The following KCNH8 variants were observed in gnomAD, a reference collection of about 807,000 sequenced individuals.
KCNH8 encodes voltage-gated delayed rectifier potassium channel KCNH8.
KCNH8 carries 70 observed loss-of-function variants against 103.6 expected under a neutral mutation model. That is an observed-to-expected ratio of 0.68 (90% CI 0.56 to 0.82). The LOEUF (loss-of-function observed/expected upper bound fraction) is 0.82, where lower values mean the gene tolerates loss of function less well. Among genes scored for constraint, KCNH8 ranks in the 40% least tolerant of loss-of-function variants. The pLI is 0.00. For synonymous variants in KCNH8, 498 were observed against 489.4 expected, an observed-to-expected ratio of 1.02 and a Z score of -0.23; for missense variants, 1,217 against 1,329.9, an observed-to-expected ratio of 0.92 and a Z score of 1.32.
At chr3:19,336,790 C>T (rs1421215005) in intron 3 of KCNH8, among the ~76,000 whole-genome samples, 1 of 151,716 alleles carries the variant, frequency 6.6e-6, no homozygotes, top group East Asian at 1.9e-4. Context: ...GAAGTTTCTG[C>T]ATTGATATTT....
Position 19,226,153 on chromosome 3 carries a change from A to G in KCNH8, c.77-27501A>G, listed in dbSNP as rs11918303. 7.7e-3 allele frequency among the ~76,000 whole-genome samples: 1,172 copies of G among 152,334 alleles called. 15 individuals carry two copies. Among genetic ancestry groups the G allele is most frequent in the African/African-American group, 0.026 (1,079 of 41,570 alleles). On this transcript the variant is annotated intron_variant, in intron 1 of 15. Transcript: ENST00000328405. ...TAATTTGAAAAATATTAAGGCCTTT[A>G]TATTGAGAATACAAATTTTGTTGAG...
At chr3:19,199,476 G>T (rs2063634769) in intron 1 of KCNH8, among the ~76,000 whole-genome samples, 1 of 151,638 alleles carries the variant, frequency 6.6e-6, no homozygotes, top group Admixed American at 6.6e-5. Flanking sequence ...GACAAAAACT[G>T]CTGGACAAAA....
intron 7 of KCNH8, among the ~76,000 whole-genome samples, chr3:19,417,220 A>ATGTG (rs113532154): frequency 6.7e-6 from 1 of 149,002 alleles, no homozygotes; most frequent in African/African-American, 2.5e-5. Context: ...ATATATGTAT[A>ATGTG]TGTGTGTGTA....
rs572025808 is a variant in KCNH8 at position 19,317,686 on chromosome 3, A to T, written c.443-24901A>T. Among the ~76,000 whole-genome samples, 3 of 152,126 alleles carry T rather than the reference A, an allele frequency of 2.0e-5. No homozygotes were observed. The South Asian group carries it at 6.2e-4, about 31-fold the overall frequency. ...AATAAATGACATATGCAAATCAATAAATATGATTCATCACATAAACAGAAC... is the reference window on the plus strand; with the variant it reads ...AATAAATGACATATGCAAATCAATATATATGATTCATCACATAAACAGAAC... On this transcript the variant is annotated intron_variant, in intron 3 of 15. Coordinates refer to ENST00000328405, the MANE Select transcript of KCNH8 (RefSeq NM_144633.3).
At chr3:19,303,149 G>A (rs2065085491) in intron 3 of KCNH8, among the ~76,000 whole-genome samples, 1 of 152,114 alleles carries the variant, frequency 6.6e-6, no homozygotes, top group South Asian at 2.1e-4. Flanking sequence ...CAGAAAGCTT[G>A]AATGATGAAT....
At chr3:19,512,408 A>C (rs2068798386) in intron 12 of KCNH8, among the ~76,000 whole-genome samples, 1 of 152,190 alleles carries the variant, frequency 6.6e-6, no homozygotes, top group Non-Finnish European at 1.5e-5. Flanking sequence ...AGTGACTGGA[A>C]AGAACAAGGA....
chr3:19,225,126 T>A (rs1302805875), intron 1 of KCNH8, among the ~76,000 whole-genome samples: 6 of 152,030 alleles, frequency 3.9e-5, no homozygotes, highest in Non-Finnish European at 8.8e-5. Context: ...CCTGAGGGAT[T>A]TAGACTTTAC....
chr3:19,403,802 C>G (rs1411911184), intron 7 of KCNH8, among the ~76,000 whole-genome samples: 1 of 151,776 alleles, frequency 6.6e-6, no homozygotes, highest in African/African-American at 2.4e-5. Flanking sequence ...TACTTTGTGA[C>G]TGAGGTTAAT....
intron 7 of KCNH8, among the ~76,000 whole-genome samples, chr3:19,437,589 A>G (rs895164838): frequency 6.6e-6 from 1 of 152,170 alleles, no homozygotes; most frequent in Non-Finnish European, 1.5e-5. Flanking sequence ...TGGGACTGCA[A>G]AGAAGGCTTC....
rs368659947 is a variant in KCNH8 at position 19,533,870 on chromosome 3, C to T, written c.3095C>T (p.Ser1032Phe). The T allele has an allele frequency of 6.2e-7, 1 of 1,614,066 alleles. No homozygotes were observed. The highest frequency in any genetic ancestry group is 1.7e-5 in the Admixed American group (1 of 60,010). The change falls in exon 16 of 16, where the codon TCT becomes TTT. Residue 1032 changes from serine (S) to phenylalanine (F), a missense_variant. By Grantham distance (155) the Ser-to-Phe change is radical. Transcript: ENST00000328405. ...CAGTCCATTTCAGCAACTCTCTCAT[C>T]TTCTGTCTGCTCCTCTTCGGAAACA... ...PLQSISATLS[S>F]SVCSSSETSL... is the part of the protein sequence containing the mutation.
Position 19,395,314 on chromosome 3 carries a change from A to G in KCNH8, c.1177+3A>G. 6.2e-7 allele frequency: 1 copy of G among 1,601,058 alleles called. No individual in the cohort carries two copies. Reference sequence around the variant, plus strand: ...CAGCCTTCTGAAGTGGGAAGTTGGTAAGGGCTTACATTTGTCACATTTTCC... The same window carrying G: ...CAGCCTTCTGAAGTGGGAAGTTGGTGAGGGCTTACATTTGTCACATTTTCC... On this transcript the variant is annotated splice_donor_region_variant and intron_variant, in intron 7 of 15. Transcript: ENST00000328405.
intron 1 of KCNH8, among the ~76,000 whole-genome samples, chr3:19,226,855 G>T (rs935336717): frequency 6.6e-6 from 1 of 151,972 alleles, no homozygotes; most frequent in African/African-American, 2.4e-5. Context: ...TCAATAACAG[G>T]AAAAAACACC....
intron 11 of KCNH8, among the ~76,000 whole-genome samples, chr3:19,505,242 G>A (rs1386490035): frequency 6.6e-6 from 1 of 151,782 alleles, no homozygotes; most frequent in Non-Finnish European, 1.5e-5. Context: ...CTTATAAGTG[G>A]GAACTAAATG....
chr3:19,408,386 A>G (rs1575029511), intron 7 of KCNH8, among the ~76,000 whole-genome samples: 4 of 152,124 alleles, frequency 2.6e-5, no homozygotes, highest in Admixed American at 2.0e-4. Context: ...GAACATAATT[A>G]TAAGAATTAG....
chr3:19,199,400 CA>C (rs1440934883), intron 1 of KCNH8, among the ~76,000 whole-genome samples: 3 of 151,784 alleles, frequency 2.0e-5, no homozygotes, highest in Non-Finnish European at 4.4e-5. Flanking sequence ...AATCATGTAA[CA>C]AAAGAACACT....
At chr3:19,364,778 AG>A (rs2065990291) in intron 5 of KCNH8, among the ~76,000 whole-genome samples, 1 of 152,150 alleles carries the variant, frequency 6.6e-6, no homozygotes, top group Admixed American at 6.6e-5. Flanking sequence ...TACCTACTTA[AG>A]CACTTAAGCA....
At chr3:19,334,231 C>T (rs2065551076) in intron 3 of KCNH8, among the ~76,000 whole-genome samples, 1 of 152,190 alleles carries the variant, frequency 6.6e-6, no homozygotes, top group African/African-American at 2.4e-5. Flanking sequence ...GACAGGTACA[C>T]TCGCAGCAGC....
chr3:19,378,000 G>A (rs2066234776), intron 5 of KCNH8, among the ~76,000 whole-genome samples: 1 of 152,062 alleles, frequency 6.6e-6, no homozygotes, highest in African/African-American at 2.4e-5. Flanking sequence ...TAATGTTCTG[G>A]GTAGTCTATT....
At chr3:19,169,364 T>G (rs2063317916) in intron 1 of KCNH8, among the ~76,000 whole-genome samples, 1 of 149,286 alleles carries the variant, frequency 6.7e-6, no homozygotes, top group East Asian at 2.1e-4. Flanking sequence ...GTTCACGCCA[T>G]TCTCCTGCTT....
Sources: gnomAD v4.1 joint callset for allele counts (sites outside exome capture counted in the v4.1 genomes callset) on GRCh38, gnomAD v4.1.1 for gene constraint, MANE v1.5 for transcripts, NCBI Gene and HGNC (gene_info 2026-07-23, HGNC 2026-07-21) for gene names.